TTC27: variants seen among roughly 807,000 people sequenced by gnomAD.
TTC27 encodes the protein tetratricopeptide repeat protein 27.
TTC27 carries 79 observed loss-of-function variants against 115.9 expected under a neutral mutation model. The ratio of observed to expected loss-of-function variants is 0.68; its 90% CI spans 0.57 to 0.82. The LOEUF is 0.82. Among genes scored for constraint, TTC27 ranks in the 40% least tolerant of loss-of-function variants. The probability of loss-of-function intolerance (pLI) is 0.00; values close to 1 mark genes in which losing one functional copy is unlikely to be tolerated. For missense variants in TTC27, 1,054 were observed against 993.1 expected (o/e 1.06, Z -0.82); for synonymous variants, 401 against 356.0 (o/e 1.13, Z -1.42).
At chr2:32,682,022 G>A (rs73922777) in intron 9 of TTC27, among the ~76,000 whole-genome samples, 23 of 127,990 alleles carry the variant, frequency 1.8e-4, no homozygotes, top group African/African-American at 7.2e-4. Context: ...GTGTGTGTGT[G>A]TGTGTATGTC....
At chr2:32,677,393 A>G (rs1374280842) in intron 8 of TTC27, among the ~76,000 whole-genome samples, 1 of 152,056 alleles carries the variant, frequency 6.6e-6, no homozygotes, top group African/African-American at 2.4e-5. Context: ...CTCTCTATCT[A>G]GGATGGAAGT....
intron 9 of TTC27, among the ~76,000 whole-genome samples, chr2:32,690,020 G>A (rs1413031772): frequency 6.6e-6 from 1 of 152,250 alleles, no homozygotes; most frequent in East Asian, 1.9e-4. Flanking sequence ...CTGGGTGAAG[G>A]ATATACAGTA....
chr2:32,701,102 A>G (rs1298712841), intron 9 of TTC27, among the ~76,000 whole-genome samples: 1 of 152,118 alleles, frequency 6.6e-6, no homozygotes, highest in Admixed American at 6.5e-5. Context: ...AGATTAGAAT[A>G]TATATTTTAT....
chr2:32,688,750 T>C (rs555501199), intron 9 of TTC27, among the ~76,000 whole-genome samples: 6 of 152,214 alleles, frequency 3.9e-5, no homozygotes. Flanking sequence ...TAACACTTTG[T>C]GGGGTAGTTA....
chr2:32,723,339 G>T (rs937135177), intron 10 of TTC27, among the ~76,000 whole-genome samples: 5 of 152,064 alleles, frequency 3.3e-5, no homozygotes, highest in African/African-American at 4.8e-5. Context: ...TGGTGGGGGT[G>T]GTTAAAATAT....
intron 9 of TTC27, among the ~76,000 whole-genome samples, chr2:32,695,240 A>G (rs999121581): frequency 2.6e-5 from 4 of 151,986 alleles, no homozygotes; most frequent in Non-Finnish European, 5.9e-5. Flanking sequence ...TTCTAGCCCT[A>G]TGAGTTTGAC....
chr2:32,650,353 C>CTTTTTTTTTTTTTTTTTTTT (rs368973893), intron 5 of TTC27, 120 bp downstream of exon 5: 4 of 212,510 alleles, frequency 1.9e-5, no homozygotes, highest in Non-Finnish European at 3.2e-5. Context: ...TGAGTTGTTT[C>CTTTTTTTTTTTTTTTTTTTT]TTTTTTTTTT....
At chr2:32,755,451 C>T (rs971171202) in intron 12 of TTC27, among the ~76,000 whole-genome samples, 4 of 152,194 alleles carry the variant, frequency 2.6e-5, no homozygotes, top group African/African-American at 7.2e-5. Context: ...GGCGTGGCAG[C>T]GCGTGCCTGC....
intron 9 of TTC27, among the ~76,000 whole-genome samples, chr2:32,681,162 G>T (rs1666410591): frequency 6.6e-6 from 1 of 152,080 alleles, no homozygotes; most frequent in African/African-American, 2.4e-5. Context: ...CACAGTGCTT[G>T]GCCTAACTCT....
chr2:32,752,367 C>A (rs961293417), intron 12 of TTC27, among the ~76,000 whole-genome samples: 11 of 152,166 alleles, frequency 7.2e-5, no homozygotes, highest in African/African-American at 2.7e-4. Context: ...GGATGCCTTC[C>A]TGTACATTAC....
intron 9 of TTC27, among the ~76,000 whole-genome samples, chr2:32,681,780 T>A (rs1360727363): frequency 6.6e-6 from 1 of 151,964 alleles, no homozygotes; most frequent in Non-Finnish European, 1.5e-5. Flanking sequence ...GCATTTTGAC[T>A]TAGGACATTT....
At chr2:32,762,817 T>G (rs1173861258) in intron 13 of TTC27, among the ~76,000 whole-genome samples, 1 of 152,144 alleles carries the variant, frequency 6.6e-6, no homozygotes, top group Non-Finnish European at 1.5e-5. Context: ...AATTTTTGTA[T>G]TTTTAGTAGA....
At chr2:32,767,837 G>T (rs532207920) in intron 13 of TTC27, among the ~76,000 whole-genome samples, 15 of 152,214 alleles carry the variant, frequency 9.9e-5, no homozygotes, top group Non-Finnish European at 2.1e-4. Context: ...AGCTTACCAG[G>T]TACATCAGTA....
At chr2:32,630,819 C>T in intron 2 of TTC27, 119 bp downstream of exon 2, 1 of 878,994 alleles carries the variant, frequency 1.1e-6, no homozygotes, top group South Asian at 2.2e-5. Flanking sequence ...TTACTCAAGA[C>T]TCATGGTGTA....
At chr2:32,778,099 G>A (rs1314119759) in intron 14 of TTC27, 119 bp downstream of exon 14, 3 of 853,136 alleles carry the variant, frequency 3.5e-6, no homozygotes, top group Non-Finnish European at 5.4e-6. Flanking sequence ...ACATTTGAGG[G>A]AAGGTCGTAC....
chr2:32,729,436 G>A (rs997687683), intron 10 of TTC27, among the ~76,000 whole-genome samples: 1 of 152,148 alleles, frequency 6.6e-6, no homozygotes, highest in African/African-American at 2.4e-5. Context: ...ATTCCATAGA[G>A]ATATCCCTTG....
At chr2:32,639,783 A>C (rs1489374784) in intron 3 of TTC27, among the ~76,000 whole-genome samples, 2 of 152,156 alleles carry the variant, frequency 1.3e-5, no homozygotes, top group Admixed American at 1.3e-4. Flanking sequence ...GCAGGGGATC[A>C]CTTAAGGTCA....
chr2:32,699,640 T>TGG (rs1273322621), intron 9 of TTC27, among the ~76,000 whole-genome samples: 1 of 152,238 alleles, frequency 6.6e-6, no homozygotes, highest in Non-Finnish European at 1.5e-5. Flanking sequence ...TACCTCATCA[T>TGG]GGGCAGCAGT....
At chr2:32,768,569 A>G (rs1669717356) in intron 13 of TTC27, among the ~76,000 whole-genome samples, 1 of 152,254 alleles carries the variant, frequency 6.6e-6, no homozygotes, top group South Asian at 2.1e-4. Context: ...GGACAGAACT[A>G]GTTTCCAAAG....
Sources: allele counts gnomAD v4.1 joint callset (sites outside exome capture counted in the v4.1 genomes callset), GRCh38; gene constraint gnomAD v4.1.1; transcripts MANE v1.5; gene names NCBI Gene and HGNC (gene_info 2026-07-23, HGNC 2026-07-21).